The following SLC25A18 variants were observed in gnomAD, a reference collection of about 807,000 sequenced individuals.
The protein encoded by SLC25A18 is solute carrier family 25 member 18, also known as mitochondrial glutamate carrier 2.
In SLC25A18, 24 loss-of-function variants were observed where a neutral mutation model predicts 31.1. The observed-to-expected ratio is 0.77, with a 90% CI of 0.56 to 1.08. SLC25A18 has a LOEUF of 1.08. Ranked by LOEUF, SLC25A18 falls within the 50% of genes least tolerant of loss-of-function variation. The pLI, the probability that SLC25A18 is intolerant of heterozygous loss-of-function variation, is 0.00. For synonymous variants in SLC25A18, 173 were observed against 161.9 expected (o/e 1.07, Z -0.52); for missense variants, 371 against 418.5 (o/e 0.89, Z 0.99).
Position 17,589,579 on chromosome 22 carries a change from A to T in SLC25A18, c.731-11A>T. The T allele has an allele frequency of 4.3e-6, 7 of 1,613,530 alleles. No homozygotes were observed. The highest frequency in any genetic ancestry group is 5.9e-6 in the Non-Finnish European group (7 of 1,179,612). Reference sequence around the variant, plus strand: ...CTGTTCACTACTTACTTTAACTTTTACTTGATTTAGTTCTGAAAACTCGAA... The same window carrying T: ...CTGTTCACTACTTACTTTAACTTTTTCTTGATTTAGTTCTGAAAACTCGAA... On this transcript the variant is annotated splice_polypyrimidine_tract_variant and intron_variant, in intron 9 of 10. Coordinates refer to ENST00000327451, the MANE Select transcript of SLC25A18 (RefSeq NM_031481.3).
In SLC25A18 at chr22:17,581,094, G is replaced by T; in HGVS notation, c.78G>T (p.Val26=). The T allele has an allele frequency of 1.3e-6, 2 of 1,573,366 alleles. No homozygotes were observed. Among genetic ancestry groups the T allele is most frequent in the Non-Finnish European group, 1.7e-6 (2 of 1,158,426 alleles). The change falls in exon 4 of 11, where the codon GTG becomes GTT. Residue 26 remains valine, a synonymous_variant. Coordinates refer to ENST00000327451, the MANE Select transcript of SLC25A18 (RefSeq NM_031481.3). ...CAGGGCTCGTGGGGGTGACCTGCGT[G>T]TTCCCCATCGACTTGGCCAAGACTC... ...GVAGLVGVTC[V]FPIDLAKTRL...
intron 1 of SLC25A18, among the ~76,000 whole-genome samples, chr22:17,567,045 G>A (rs142433737): frequency 5.8e-4 from 89 of 152,274 alleles, no homozygotes; most frequent in Admixed American, 3.9e-3. Context: ...GCCTGTAATC[G>A]CAGCTACTTG....
At chr22:17,584,469 G>GAGAGAGAGAGAGAGAGAA (rs1555951532) in intron 7 of SLC25A18, among the ~76,000 whole-genome samples, 5 of 121,614 alleles carry the variant, frequency 4.1e-5, no homozygotes, top group South Asian at 2.5e-4. Flanking sequence ...GAGAGAGAGA[G>GAGAGAGAGAGAGAGAGAA]AGAAAGAAAG....
chr22:17,574,311 A>G (rs1457473553), intron 2 of SLC25A18, among the ~76,000 whole-genome samples: 5 of 152,168 alleles, frequency 3.3e-5, no homozygotes, highest in African/African-American at 7.2e-5. Context: ...TGTTGTGAAA[A>G]TGCCAATCAA....
chr22:17,587,803 G>A (rs2057595471), intron 8 of SLC25A18, 122 bp from the exon 9 acceptor site: 1 of 1,214,758 alleles, frequency 8.2e-7, no homozygotes, highest in South Asian at 1.3e-5. Context: ...CAAAAGAAGG[G>A]ATGAGTCCCC....
chr22:17,568,991 T>C (rs2057015843), intron 1 of SLC25A18, among the ~76,000 whole-genome samples: 1 of 152,054 alleles, frequency 6.6e-6, no homozygotes, highest in Non-Finnish European at 1.5e-5. Flanking sequence ...GGAAAGTCTT[T>C]TAAGAGGAAC....
chr22:17,572,567 G>A (rs2057120030), intron 2 of SLC25A18, among the ~76,000 whole-genome samples: 1 of 151,898 alleles, frequency 6.6e-6, no homozygotes, highest in South Asian at 2.1e-4. Context: ...GTTGAGGTGG[G>A]ATTACTGTTT....
intron 2 of SLC25A18, among the ~76,000 whole-genome samples, chr22:17,572,843 G>A (rs2057133185): frequency 6.6e-6 from 1 of 151,762 alleles, no homozygotes; most frequent in Admixed American, 6.6e-5. Flanking sequence ...GGGTTTCACC[G>A]TGTTAGCCAG....
intron 7 of SLC25A18, among the ~76,000 whole-genome samples, chr22:17,584,641 G>A (rs1261951688): frequency 2.6e-5 from 4 of 151,384 alleles, no homozygotes; most frequent in Non-Finnish European, 5.9e-5. Context: ...TTAGCCAGGC[G>A]TGGTGGTGTG....
chr22:17,575,892 C>G (rs1371924717), intron 2 of SLC25A18, among the ~76,000 whole-genome samples: 1 of 152,194 alleles, frequency 6.6e-6, no homozygotes, highest in South Asian at 2.1e-4. Context: ...TGCTGCATCC[C>G]AAGGCGGTGA....
intron 8 of SLC25A18, 135 bp downstream of exon 8, chr22:17,587,436 C>T: frequency 2.5e-6 from 3 of 1,198,840 alleles, no homozygotes; most frequent in South Asian, 1.5e-5. Flanking sequence ...TTCCATGCTT[C>T]CTGTTTTGTC....
chr22:17,573,019 G>A (rs114749001), intron 2 of SLC25A18, among the ~76,000 whole-genome samples: 12,590 of 152,000 alleles, frequency 0.083, 1,385 homozygotes, highest in African/African-American at 0.25. Context: ...AGGCTGAGGC[G>A]GGAGGATCCC....
chr22:17,566,760 C>T (rs2056948002), intron 1 of SLC25A18, among the ~76,000 whole-genome samples: 1 of 152,208 alleles, frequency 6.6e-6, no homozygotes. Flanking sequence ...ATCTCCCTGA[C>T]TTGTCCAAAC....
At chr22:17,567,810 C>T (rs904822473) in intron 1 of SLC25A18, among the ~76,000 whole-genome samples, 42 of 150,938 alleles carry the variant, frequency 2.8e-4, no homozygotes, top group African/African-American at 1.0e-3. Flanking sequence ...TGTAGGAATG[C>T]TTGTTCCTTG....
chr22:17,578,536 G>A (rs1455788117), intron 2 of SLC25A18, among the ~76,000 whole-genome samples: 1 of 152,180 alleles, frequency 6.6e-6, no homozygotes, highest in Non-Finnish European at 1.5e-5. Flanking sequence ...AGCAGCTTCA[G>A]GGCACCGGAG....
chr22:17,574,510 C>T (rs1160590490), intron 2 of SLC25A18, among the ~76,000 whole-genome samples: 1 of 142,012 alleles, frequency 7.0e-6, no homozygotes, highest in Non-Finnish European at 1.5e-5. Context: ...CTTCCTTATT[C>T]TTTTTTTTTT....
intron 5 of SLC25A18, 101 bp downstream of exon 5, chr22:17,581,514 C>A: frequency 7.4e-7 from 1 of 1,346,164 alleles, no homozygotes; most frequent in Non-Finnish European, 1.0e-6. Context: ...GGGGCCAGGG[C>A]TGCCAGGGGG....
At position 17,581,023 on chromosome 22, in the gene SLC25A18, T is replaced by C. The variant is rs1201422715; in HGVS notation, c.21-14T>C. The C allele has an allele frequency of 1.9e-6, 3 of 1,538,514 alleles. No individual in the cohort carries two copies. Among genetic ancestry groups the C allele is most frequent in the East Asian group, 2.4e-5 (1 of 40,850 alleles). On this transcript the variant is annotated splice_polypyrimidine_tract_variant and intron_variant, in intron 3 of 10. Transcript: ENST00000327451. ...CTCTGCCTCTCTCCTCCCCCTGTCC[T>C]CCCCCTGTCCTAGCATCACAGCCAA...
Position 17,582,631 on chromosome 22 carries a change from C to T in SLC25A18, c.268C>T (p.Arg90Trp), listed in dbSNP as rs376253175. The stretch of plus-strand genomic sequence containing the variant: ...CAAGCTGGCGGCCAACGACTTTTTC[C>T]GGCGGCTGCTCATGGAAGATGGGTA... The part of the protein sequence containing the change: ...AIKLAANDFF[R>W]RLLMEDGMQR... Residue 90 changes from arginine (R) to tryptophan (W), a missense_variant, in exon 6 of 11, where the codon CGG becomes TGG. By Grantham distance (101) the Arg-to-Trp change is moderately radical (BLOSUM62 -3). Transcript: ENST00000327451. 2.2e-5 allele frequency: 35 copies of T among 1,603,710 alleles called. No homozygotes were observed. The African/African-American group carries it at 4.0e-4, about 18-fold the overall frequency.
Sources: gnomAD v4.1 joint callset for allele counts (sites outside exome capture counted in the v4.1 genomes callset) on GRCh38, gnomAD v4.1.1 for gene constraint, MANE v1.5 for transcripts, NCBI Gene and HGNC (gene_info 2026-07-23, HGNC 2026-07-21) for gene names.